Variants in PTPRD observed in about 807,000 individuals in gnomAD.
The protein encoded by PTPRD is receptor-type tyrosine-protein phosphatase delta.
Under a neutral mutation model 214.5 loss-of-function variants are expected in PTPRD, and 34 were observed. That is an observed-to-expected ratio of 0.16 (90% CI 0.12 to 0.21). The LOEUF is 0.21. PTPRD is among the 10% of genes least tolerant of loss of function. The pLI is 1.00. For synonymous variants in PTPRD, 1,128 were observed against 845.7 expected (o/e 1.33, Z -5.79); for missense variants, 2,545 against 2,398.7 (o/e 1.06, Z -1.27).
At chr9:9,978,950 C>A (rs2095451075) in intron 4 of PTPRD, among the ~76,000 whole-genome samples, 1 of 152,006 alleles carries the variant, frequency 6.6e-6, no homozygotes, top group African/African-American at 2.4e-5. Flanking sequence ...AAATTCTTAT[C>A]AGAAATCATA....
At position 10,047,983 on chromosome 9, in the gene PTPRD, T is replaced by C. The variant is rs150682322; in HGVS notation, c.-544-14193A>G. Among the ~76,000 whole-genome samples, 105 of 152,304 alleles carry C rather than the reference T, an allele frequency of 6.9e-4. 4 individuals carry two copies. The highest frequency in any genetic ancestry group is 2.3e-3 in the African/African-American group (97 of 41,574). ...TAATCCTCATTTCTGATAGTTCCCA[T>C]TATAACAGAGTGAACTTTCCAGTTT... is the stretch of plus-strand genomic sequence containing the variant. On this transcript the variant is annotated intron_variant, in intron 3 of 45. Coordinates refer to ENST00000381196, the MANE Select transcript of PTPRD (RefSeq NM_002839.4).
chr9:10,013,233 C>T (rs2096636557), intron 4 of PTPRD, among the ~76,000 whole-genome samples: 2 of 151,834 alleles, frequency 1.3e-5, no homozygotes, highest in East Asian at 1.9e-4. Context: ...CACAGATGGA[C>T]ACTGGAGGAG....
At chr9:8,336,020 A>T (rs997591675) in intron 43 of PTPRD, among the ~76,000 whole-genome samples, 2 of 152,064 alleles carry the variant, frequency 1.3e-5, no homozygotes, top group African/African-American at 4.8e-5. Context: ...TATCGTGAAA[A>T]TGGCCATACT....
At chr9:10,134,597 T>C (rs2098928401) in intron 3 of PTPRD, among the ~76,000 whole-genome samples, 1 of 151,996 alleles carries the variant, frequency 6.6e-6, no homozygotes, top group African/African-American at 2.4e-5. Context: ...TAACCACAAA[T>C]ATATATCCCG....
intron 3 of PTPRD, among the ~76,000 whole-genome samples, chr9:10,173,869 C>T (rs984568299): frequency 2.1e-4 from 32 of 151,596 alleles, no homozygotes; most frequent in African/African-American, 7.5e-4. Flanking sequence ...ATAGTTAAAC[C>T]TTGAATGTTA....
chr9:9,715,253 C>A (rs982618976), intron 7 of PTPRD, among the ~76,000 whole-genome samples: 1 of 152,090 alleles, frequency 6.6e-6, no homozygotes, highest in Admixed American at 6.5e-5. Flanking sequence ...ATATTGCGGG[C>A]AATTTGAAGG....
chr9:10,162,641 A>T (rs1248191838), intron 3 of PTPRD, among the ~76,000 whole-genome samples: 2 of 148,496 alleles, frequency 1.3e-5, no homozygotes, highest in African/African-American at 4.9e-5. Context: ...GTATATAAAC[A>T]TATATATACA....
intron 9 of PTPRD, among the ~76,000 whole-genome samples, chr9:9,234,638 T>TA (rs2099965383): frequency 6.6e-6 from 1 of 152,190 alleles, no homozygotes. Flanking sequence ...CCAGATACCC[T>TA]AAATCAACTC....
rs2136304886 is a variant in PTPRD, at chr9:8,492,905, A to G, written c.2424T>C (p.Asp808=). The change falls in exon 27 of 46, where the codon GAT becomes GAC. Residue 808 remains aspartate, a synonymous_variant. Transcript: ENST00000381196. ...CCAGTTTGGGCTTGCTGCGAGCACC[A>G]TCTCCTTTGGTTGTGTAGGCTGTGA... ...LTVTAYTTKG[D]GARSKPKLVS... The G allele has an allele frequency of 1.2e-6, 2 of 1,613,924 alleles. No homozygotes were observed. The highest frequency in any genetic ancestry group is 2.2e-5 in the East Asian group (1 of 44,874).
chr9:10,073,156 C>T (rs2154181329), intron 3 of PTPRD, among the ~76,000 whole-genome samples: 1 of 151,972 alleles, frequency 6.6e-6, no homozygotes, highest in Non-Finnish European at 1.5e-5. Flanking sequence ...TAGATGAAGC[C>T]CACAAGGTTT....
chr9:9,856,697 G>C (rs916572791), intron 5 of PTPRD, among the ~76,000 whole-genome samples: 2 of 151,928 alleles, frequency 1.3e-5, no homozygotes, highest in African/African-American at 4.8e-5. Context: ...ATCTGTTAAA[G>C]CTGTCCCAAT....
At chr9:10,567,147 C>T (rs778883595) in intron 2 of PTPRD, among the ~76,000 whole-genome samples, 2 of 151,992 alleles carry the variant, frequency 1.3e-5, no homozygotes, top group Non-Finnish European at 2.9e-5. Flanking sequence ...AGTGAACTAC[C>T]AGTGCCTTTA....
At chr9:8,560,047 G>A (rs57803188) in intron 14 of PTPRD, among the ~76,000 whole-genome samples, 3,720 of 152,198 alleles carry the variant, frequency 0.024, 139 homozygotes, top group African/African-American at 0.074. Flanking sequence ...AAGTAAGATC[G>A]CAGAACATCA....
At chr9:9,368,855 A>G (rs987896347) in intron 9 of PTPRD, among the ~76,000 whole-genome samples, 1 of 151,930 alleles carries the variant, frequency 6.6e-6, no homozygotes, top group Non-Finnish European at 1.5e-5. Flanking sequence ...TGCTGCACCC[A>G]TTAACTCGTG....
chr9:9,511,354 C>T (rs2096704283), intron 8 of PTPRD, among the ~76,000 whole-genome samples: 1 of 151,692 alleles, frequency 6.6e-6, no homozygotes, highest in Admixed American at 6.6e-5. Flanking sequence ...AGATTCAATA[C>T]AGCTGTTGTC....
intron 3 of PTPRD, among the ~76,000 whole-genome samples, chr9:10,300,779 A>G (rs958445702): frequency 1.3e-5 from 2 of 152,042 alleles, no homozygotes; most frequent in African/African-American, 4.8e-5. Context: ...GGACTTATAG[A>G]TAAGACCCCC....
At chr9:8,458,126 T>G (rs372474942) in intron 33 of PTPRD, among the ~76,000 whole-genome samples, 1 of 152,092 alleles carries the variant, frequency 6.6e-6, no homozygotes, top group African/African-American at 2.4e-5. Context: ...TTCCCAACAA[T>G]TGCATTAGAC....
intron 12 of PTPRD, among the ~76,000 whole-genome samples, chr9:8,638,396 C>T (rs562322625): frequency 2.1e-3 from 313 of 152,146 alleles, no homozygotes; most frequent in African/African-American, 5.6e-3. Context: ...AAGCCGGATT[C>T]CTATCTAAGC....
intron 9 of PTPRD, among the ~76,000 whole-genome samples, chr9:9,361,467 A>G (rs1409224545): frequency 2.0e-5 from 3 of 150,992 alleles, no homozygotes; most frequent in Non-Finnish European, 4.5e-5. Context: ...CCTTGTTCAT[A>G]GTGTTTTTTA....
Sources: gnomAD v4.1 joint callset for allele counts (sites outside exome capture counted in the v4.1 genomes callset) on GRCh38, gnomAD v4.1.1 for gene constraint, MANE v1.5 for transcripts, NCBI Gene and HGNC (gene_info 2026-07-23, HGNC 2026-07-21) for gene names.